Variants in ZNF112 observed in about 807,000 individuals in gnomAD.
ZNF112 encodes the protein zinc finger protein 112, also known as zinc finger protein 112 (Y14).
In ZNF112, 37 loss-of-function variants were observed where a neutral mutation model predicts 77.7. The observed-to-expected ratio is 0.48, with a 90% CI of 0.37 to 0.63. ZNF112 has a LOEUF of 0.63. Ranked by LOEUF, ZNF112 falls within the 20% of genes least tolerant of loss-of-function variation. The pLI is 0.00. For missense variants in ZNF112, 950 were observed against 1,077.4 expected (o/e 0.88, Z 1.66); for synonymous variants, 333 against 363.6 (o/e 0.92, Z 0.96).
intron 1 of ZNF112, among the ~76,000 whole-genome samples, chr19:44,363,964 C>T (rs568595596): frequency 1.1e-4 from 16 of 152,190 alleles, no homozygotes; most frequent in African/African-American, 2.9e-4. Context: ...GGCTGGAGTG[C>T]GGTGGCATGA....
Position 44,329,456 on chromosome 19 carries a change from A to G in ZNF112, c.701T>C (p.Ile234Thr), listed in dbSNP as rs1292746852. Residue 234 changes from isoleucine (I) to threonine (T), a missense_variant, in exon 4 of 4, where the codon ATC (isoleucine) becomes ACC (threonine). By Grantham distance (89) the Ile-to-Thr change is moderately conservative. Around this residue, in one of 3 missense-constraint regions of ZNF112, gnomAD observed 560 missense variants for 557.3 expected, o/e 1.00. Coordinates refer to ENST00000354340, the MANE Select transcript of ZNF112 (RefSeq NM_013380.4). ...CTGATTAAGTAATGATACCTTCATG[A>G]TATCTTCTCCACAGTCATGGCAGCT... ...NYSCHDCGED[I>T]MKVSLLNQES... is the part of the protein sequence containing the mutation. The G allele has an allele frequency of 6.2e-7, 1 of 1,613,856 alleles. No homozygotes were observed. The highest frequency in any genetic ancestry group is 8.5e-7 in the Non-Finnish European group (1 of 1,179,984).
At chr19:44,337,067 C>T (rs1970382769) in intron 2 of ZNF112, among the ~76,000 whole-genome samples, 1 of 151,004 alleles carries the variant, frequency 6.6e-6, no homozygotes, top group African/African-American at 2.4e-5. Flanking sequence ...GACAGGGTCT[C>T]CCTGCATTGC....
At chr19:44,360,513 TG>T (rs1247325285), upstream of ZNF112, among the ~76,000 whole-genome samples, 3 of 152,192 alleles carry the variant, frequency 2.0e-5, no homozygotes, top group African/African-American at 7.2e-5. Flanking sequence ...ATTTCCTCTA[TG>T]ATGGGGAACA....
rs904352882 is a variant in ZNF112, at chr19:44,326,992, C to T, written c.*441G>A. ...ACTTGCAGGATTTCTCCTCCAAATA[C>T]ATTTTAAGTTTTAAAAAATGCGCTT... On this transcript the variant is annotated 3_prime_UTR_variant, in exon 4 of 4. Transcript: ENST00000354340. 1 of 154,814 alleles carries T rather than the reference C, an allele frequency of 6.5e-6. No individual in the cohort carries two copies. Among genetic ancestry groups the T allele is most frequent in the Non-Finnish European group, 1.4e-5 (1 of 69,766 alleles). 9.6% of individuals were successfully genotyped at this position (154,814 alleles called of 1,614,324 possible).
At chr19:44,332,354 G>A (rs189179475) in intron 3 of ZNF112, among the ~76,000 whole-genome samples, 43 of 152,268 alleles carry the variant, frequency 2.8e-4, no homozygotes, top group African/African-American at 9.9e-4. Context: ...ACACTTCAAG[G>A]TATATCAGTA....
At chr19:44,346,866 C>A (rs576892918) in intron 1 of ZNF112, among the ~76,000 whole-genome samples, 23 of 152,164 alleles carry the variant, frequency 1.5e-4, no homozygotes, top group Non-Finnish European at 1.9e-4. Flanking sequence ...TCAACAGAAA[C>A]AATCAAACCT....
Position 44,328,434 on chromosome 19 carries a change from AAGGTTTTTCT to A in ZNF112, c.1713_1722del (p.Glu572IlefsTer166). On this transcript the variant is annotated frameshift_variant, in exon 4 of 4. Transcript: ENST00000354340. LOFTEE classifies it high-confidence loss of function. The stretch of plus-strand genomic sequence containing the variant: ...CCCTTCCCACATTCCTCACATTTAT[AAGGTTTTTCT>A]CCAGTGTGGACTCTCTGATGGGCTT... 1 of 1,614,074 alleles carries A rather than the reference AAGGTTTTTCT, an allele frequency of 6.2e-7. No homozygotes were observed. The highest frequency in any genetic ancestry group is 2.2e-5 in the East Asian group (1 of 44,878).
rs1471968261 is a variant in ZNF112 at position 44,328,826 on chromosome 19, T to C, written c.1331A>G (p.Asn444Ser). 4 of 1,613,946 alleles carry C rather than the reference T, an allele frequency of 2.5e-6. No homozygotes were observed. In the Admixed American group the frequency reaches 6.7e-5, roughly 27 times the overall value. Reference sequence around the variant, plus strand: ...AAAATGTGAGGCCAGACTGAAGCCATTACCACACTCCTCAGAATTATATGA... The same window carrying C: ...AAAATGTGAGGCCAGACTGAAGCCACTACCACACTCCTCAGAATTATATGA... ...ENSYNSEECG[N>S]GFSLASHFQD... The change falls in exon 4 of 4, where the codon AAT (asparagine) becomes AGT (serine). Residue 444 changes from asparagine to serine, a missense_variant. Coordinates refer to ENST00000354340, the MANE Select transcript of ZNF112 (RefSeq NM_013380.4).
intron 2 of ZNF112, among the ~76,000 whole-genome samples, chr19:44,339,783 G>C (rs999527143): frequency 4.6e-5 from 7 of 152,064 alleles, no homozygotes; most frequent in Non-Finnish European, 7.3e-5. Flanking sequence ...TCCTAATCTT[G>C]CAATTGGTAT....
chr19:44,345,486 C>T (rs1218966611), intron 1 of ZNF112, among the ~76,000 whole-genome samples: 2 of 152,170 alleles, frequency 1.3e-5, no homozygotes. Flanking sequence ...CAGTTTAGAC[C>T]TCTCTGATCA....
chr19:44,365,905 A>G (rs1296548242), intron 1 of ZNF112, among the ~76,000 whole-genome samples: 1 of 152,232 alleles, frequency 6.6e-6, no homozygotes, highest in Non-Finnish European at 1.5e-5. Context: ...CTCAAGAATT[A>G]AATTAACATA....
At chr19:44,334,329 G>A (rs976347777) in intron 3 of ZNF112, among the ~76,000 whole-genome samples, 1 of 152,200 alleles carries the variant, frequency 6.6e-6, no homozygotes, top group African/African-American at 2.4e-5. Flanking sequence ...TATGGGCAAA[G>A]AGATTATCTG....
chr19:44,329,004 C>T lies in ZNF112; in HGVS notation c.1153G>A (p.Glu385Lys). The change falls in exon 4 of 4, where the codon GAA becomes AAA. Residue 385 changes from glutamate (E) to lysine (K), a missense_variant. By Grantham distance (56) the Glu-to-Lys change is moderately conservative. Transcript: ENST00000354340. The part of the protein sequence containing the change: ...HTRDEPHEYE[E>K]NENVFNQSSC... ...CTCTGATTAAAGACATTCTCATTTT[C>T]CTCATATTCATGGGGTTCATCCCTA... is the stretch of plus-strand genomic sequence containing the variant. The T allele has an allele frequency of 1.2e-6, 2 of 1,613,888 alleles. No homozygotes were observed. Among genetic ancestry groups the T allele is most frequent in the Middle Eastern group, 3.3e-4 (2 of 6,058 alleles).
chr19:44,351,603 T>C (rs1403170785), intron 1 of ZNF112, among the ~76,000 whole-genome samples: 1 of 152,096 alleles, frequency 6.6e-6, no homozygotes, highest in Admixed American at 6.6e-5. Context: ...ATTTTGTCAA[T>C]TAAAGTTTCC....
At chr19:44,365,558 T>C (rs1188228620) in intron 1 of ZNF112, among the ~76,000 whole-genome samples, 1 of 152,118 alleles carries the variant, frequency 6.6e-6, no homozygotes, top group Admixed American at 6.5e-5. Context: ...ATCCTAGATA[T>C]TTCTTTTTGA....
intron 1 of ZNF112, among the ~76,000 whole-genome samples, chr19:44,353,295 C>T (rs1031075543): frequency 1.3e-5 from 2 of 151,992 alleles, no homozygotes; most frequent in Non-Finnish European, 1.5e-5. Context: ...AACCATAAAA[C>T]TTCTAGAACA....
At chr19:44,358,156 G>GAAAAAAAA (rs59023124), upstream of ZNF112, among the ~76,000 whole-genome samples, 27 of 130,404 alleles carry the variant, frequency 2.1e-4, no homozygotes, top group African/African-American at 6.8e-4. Context: ...CGTCTCAAAA[G>GAAAAAAAA]AAAAAAAAAA....
chr19:44,349,611 G>C (rs10411499), intron 1 of ZNF112, among the ~76,000 whole-genome samples: 5,217 of 151,990 alleles, frequency 0.034, 246 homozygotes, highest in African/African-American at 0.1. Context: ...TGTCTCATCA[G>C]AGCAGAATTT....
At chr19:44,345,083 C>T (rs1347623983) in intron 1 of ZNF112, among the ~76,000 whole-genome samples, 1 of 152,114 alleles carries the variant, frequency 6.6e-6, no homozygotes, top group Non-Finnish European at 1.5e-5. Flanking sequence ...GCTGCCAGCT[C>T]ACCGGTATCA....
Sources: gnomAD v4.1 joint callset for allele counts (sites outside exome capture counted in the v4.1 genomes callset) on GRCh38, gnomAD v4.1.1 for gene constraint, gnomAD v4.1.1 regional missense constraint, MANE v1.5 for transcripts, NCBI Gene and HGNC (gene_info 2026-07-23, HGNC 2026-07-21) for gene names.